The following CACNA2D4 variants were observed in gnomAD, a reference collection of about 807,000 sequenced individuals.
The protein encoded by CACNA2D4 is calcium voltage-gated channel auxiliary subunit alpha2delta 4, also known as voltage-dependent calcium channel subunit alpha-2/delta-4.
A neutral mutation model predicts 163.8 loss-of-function variants in CACNA2D4; 157 were observed. That is an observed-to-expected ratio of 0.96 (90% confidence interval 0.84 to 1.09). The LOEUF is 1.09. Among genes scored for constraint, CACNA2D4 ranks in the 50% least tolerant of loss-of-function variants. The pLI is 0.00. For missense variants in CACNA2D4, 1,410 were observed against 1,479.9 expected (o/e 0.95, Z 0.78); for synonymous variants, 598 against 586.9 (o/e 1.02, Z -0.27).
In CACNA2D4 at chr12:1,806,556, TG is replaced by T. The variant is rs1364771171; in HGVS notation, c.2721+3721del. 2.0e-5 allele frequency among the ~76,000 whole-genome samples: 3 copies of T among 152,192 alleles called. No homozygotes were observed. Among genetic ancestry groups the T allele is most frequent in the African/African-American group, 7.2e-5 (3 of 41,438 alleles). Reference sequence around the variant, plus strand: ...CAACAGGCTTCTCTCTCCAGGCCCCTGGGTAAGCCCTAGCAGGGACAAGGAG... The same window carrying T: ...CAACAGGCTTCTCTCTCCAGGCCCCTGGTAAGCCCTAGCAGGGACAAGGAG... On this transcript the variant is annotated intron_variant, in intron 29 of 37. Coordinates refer to ENST00000382722, the MANE Select transcript of CACNA2D4 (RefSeq NM_172364.5). This position sits in a 1 kb window ranked among gnomAD's most constrained non-coding sequence, Gnocchi z 4.1.
At chr12:1,905,057 T>C (rs1020766545) in intron 6 of CACNA2D4, among the ~76,000 whole-genome samples, 3 of 152,048 alleles carry the variant, frequency 2.0e-5, no homozygotes, top group African/African-American at 7.2e-5. Context: ...GCAAGGATGG[T>C]TCAACATATG....
chr12:1,856,366 TAGG>T lies in CACNA2D4; in HGVS notation c.2009-140_2009-138del, dbSNP rs1865400453. ...GTTCTTTCTTGCTCTTAGCTCACAG[TAGG>T]AGAACATGGCTAAGTCTGCACAGGT... is the stretch of plus-strand genomic sequence containing the variant. On this transcript the variant is annotated intron_variant, in intron 20 of 37. Transcript: ENST00000382722. 1.8e-5 allele frequency: 16 copies of T among 876,290 alleles called. No homozygotes were observed. The South Asian group carries it at 2.4e-4, about 13-fold the overall frequency. 54.3% of individuals were successfully genotyped at this position (876,290 alleles called of 1,614,324 possible). A position where few individuals can be genotyped will look rare whatever the true frequency, so the allele number is the denominator to read the frequency against.
chr12:1,883,399 C>T lies in CACNA2D4; in HGVS notation c.1352-399G>A, dbSNP rs1045403397. Among the ~76,000 whole-genome samples the T allele has an allele frequency of 1.1e-4, 16 of 152,208 alleles. No individual in the cohort carries two copies. Among genetic ancestry groups the T allele is most frequent in the Non-Finnish European group, 2.2e-4 (15 of 68,042 alleles). On this transcript the variant is annotated intron_variant, in intron 12 of 37. Coordinates refer to ENST00000382722, the MANE Select transcript of CACNA2D4 (RefSeq NM_172364.5). This position sits in a 1 kb window ranked among gnomAD's most constrained non-coding sequence, Gnocchi z 4.5. ...CTTAGGTCTCTTCAGGGAACCCAAT[C>T]AGAGGCAGAGATTTCTGCCTCTCCG...
chr12:1,865,729 C>CGG (rs1865637296), intron 18 of CACNA2D4, among the ~76,000 whole-genome samples: 4 of 152,078 alleles, frequency 2.6e-5, no homozygotes, highest in Non-Finnish European at 4.4e-5. Context: ...CGAGGGGAGC[C>CGG]GGTGTGTGGG....
intron 6 of CACNA2D4, among the ~76,000 whole-genome samples, chr12:1,902,747 C>G (rs1406706221): frequency 1.3e-5 from 2 of 152,092 alleles, no homozygotes; most frequent in East Asian, 3.8e-4. Context: ...ATTCCATGTT[C>G]ATGGATTGGA....
At chr12:1,848,064 C>T (rs775074195) in intron 23 of CACNA2D4, among the ~76,000 whole-genome samples, 1 of 152,134 alleles carries the variant, frequency 6.6e-6, no homozygotes, top group Non-Finnish European at 1.5e-5. Flanking sequence ...CGTTCAAATA[C>T]CATCCAATTC....
rs1217103569 is a variant in CACNA2D4, at chr12:1,828,095, C to A, written c.2551+12644G>T. 2 of 1,460,712 alleles carry A rather than the reference C, an allele frequency of 1.4e-6. No homozygotes were observed. Among genetic ancestry groups the A allele is most frequent in the African/African-American group, 1.4e-5 (1 of 70,096 alleles). 90.5% of individuals were successfully genotyped at this position (1,460,712 alleles called of 1,614,324 possible). ...CCTCAGGACTGACAGGCGGCGCACC[C>A]AGGGGCTCCTCTCTCCCCAGAGCGA... is the stretch of plus-strand genomic sequence containing the variant. On this transcript the variant is annotated intron_variant, in intron 26 of 37. Coordinates refer to ENST00000382722, the MANE Select transcript of CACNA2D4 (RefSeq NM_172364.5). The surrounding 1 kb of genome is among the most constrained non-coding windows in gnomAD (Gnocchi z 4.2).
At chr12:1,891,883 T>A (rs537558103) in intron 6 of CACNA2D4, among the ~76,000 whole-genome samples, 24 of 152,138 alleles carry the variant, frequency 1.6e-4, no homozygotes, top group African/African-American at 5.8e-4. Context: ...CAGACAAAAA[T>A]TTTCTTTAAA....
rs554762160 is a variant in CACNA2D4, at chr12:1,798,944, G to T, written c.2995+731C>A. ...AGGGGCAGAGGAAGCCCCAAGCCAAGGCCAGCAGAAGAGAACGAAGAGCAA... is the reference window on the plus strand; with the variant it reads ...AGGGGCAGAGGAAGCCCCAAGCCAATGCCAGCAGAAGAGAACGAAGAGCAA... On this transcript the variant is annotated intron_variant, in intron 34 of 37. Transcript: ENST00000382722. This position sits in a 1 kb window ranked among gnomAD's most constrained non-coding sequence, Gnocchi z 4.3. Among the ~76,000 whole-genome samples, 1 of 152,198 alleles carries T rather than the reference G, an allele frequency of 6.6e-6. No individual in the cohort carries two copies. The highest frequency in any genetic ancestry group is 1.5e-5 in the Non-Finnish European group (1 of 68,044).
chr12:1,914,941 A>C lies in CACNA2D4; in HGVS notation c.228-6T>G. 2 of 1,605,812 alleles carry C rather than the reference A, an allele frequency of 1.2e-6. No individual in the cohort carries two copies. Among genetic ancestry groups the C allele is most frequent in the Non-Finnish European group, 1.7e-6 (2 of 1,172,314 alleles). ...TGTCAGCCCATAGCTTCACTCTGCC[A>C]GGCAATGAAAGGACACGCGTATACA... On this transcript the variant is annotated splice_region_variant and splice_polypyrimidine_tract_variant and intron_variant, in intron 1 of 37. Coordinates refer to ENST00000382722, the MANE Select transcript of CACNA2D4 (RefSeq NM_172364.5).
At chr12:1,797,233 T>C (rs1444846497) in intron 35 of CACNA2D4, among the ~76,000 whole-genome samples, 185 bp downstream of exon 35, 1 of 152,210 alleles carries the variant, frequency 6.6e-6, no homozygotes, top group Non-Finnish European at 1.5e-5. Flanking sequence ...GTCCGCCTCC[T>C]GCGTGTCTCC....
intron 26 of CACNA2D4, among the ~76,000 whole-genome samples, chr12:1,824,015 C>A (rs1269988101): frequency 6.6e-6 from 1 of 152,220 alleles, no homozygotes; most frequent in Non-Finnish European, 1.5e-5. Context: ...TTTCTGGTGC[C>A]TCAGTTTCCC....
intron 37 of CACNA2D4, chr12:1,795,057 A>T: frequency 1.7e-6 from 1 of 580,986 alleles, no homozygotes. Context: ...CTATCACCCT[A>T]ATCAGGAAAT....
chr12:1,895,265 G>A (rs1866375831), intron 6 of CACNA2D4, among the ~76,000 whole-genome samples: 1 of 152,016 alleles, frequency 6.6e-6, no homozygotes, highest in African/African-American at 2.4e-5. Context: ...TTTATGGACT[G>A]GGATAATTAA....
In CACNA2D4 at chr12:1,828,199, G is replaced by T; in HGVS notation, c.2551+12540C>A. 6.5e-7 allele frequency: 1 copy of T among 1,546,964 alleles called. No homozygotes were observed. Among genetic ancestry groups the T allele is most frequent in the Non-Finnish European group, 8.7e-7 (1 of 1,145,370 alleles). On this transcript the variant is annotated intron_variant, in intron 26 of 37. Coordinates refer to ENST00000382722, the MANE Select transcript of CACNA2D4 (RefSeq NM_172364.5). This position sits in a 1 kb window ranked among gnomAD's most constrained non-coding sequence, Gnocchi z 4.2. Reference sequence around the variant, plus strand: ...GGCAGAGGGGCAGGCTCGCCCTGCAGTGGAGGCAAGTCTCCTGTGAGTACA... The same window carrying T: ...GGCAGAGGGGCAGGCTCGCCCTGCATTGGAGGCAAGTCTCCTGTGAGTACA...
intron 37 of CACNA2D4, chr12:1,795,044 C>A: frequency 1.7e-6 from 1 of 576,586 alleles, no homozygotes; most frequent in Non-Finnish European, 3.1e-6. Flanking sequence ...ACAAAAGATG[C>A]ACCTATCACC....
intron 26 of CACNA2D4, among the ~76,000 whole-genome samples, chr12:1,816,901 A>T (rs193073963): frequency 6.6e-6 from 1 of 152,348 alleles, no homozygotes. Context: ...CACGTGCACC[A>T]TGCACATGCA....
At chr12:1,913,417 A>G (rs1866884357) in intron 2 of CACNA2D4, among the ~76,000 whole-genome samples, 1 of 152,216 alleles carries the variant, frequency 6.6e-6, no homozygotes, top group South Asian at 2.1e-4. Flanking sequence ...GAAGTCAGTG[A>G]ACTTGACCAA....
rs1042558724 is a variant in CACNA2D4, at chr12:1,886,925, G to A, written c.842+84C>T. The A allele has an allele frequency of 2.1e-5, 19 of 904,262 alleles. No individual in the cohort carries two copies. In the South Asian group the frequency reaches 2.9e-4, roughly 14 times the overall value. The allele number at this position is 904,262 out of a possible 1,614,324, so 56.0% of individuals were successfully genotyped here. ...CCCTTGAGTGGCGGTGGGGGAAGGG[G>A]CGGAAGTGGAGGAGGATGAGGCAAA... On this transcript the variant is annotated intron_variant, in intron 7 of 37. Coordinates refer to ENST00000382722, the MANE Select transcript of CACNA2D4 (RefSeq NM_172364.5).
Sources: allele counts gnomAD v4.1 joint callset (sites outside exome capture counted in the v4.1 genomes callset), GRCh38; gene constraint gnomAD v4.1.1; non-coding constraint Gnocchi (gnomAD v3.1); transcripts MANE v1.5; gene names NCBI Gene and HGNC (gene_info 2026-07-23, HGNC 2026-07-21).